TEKT1: variants seen among roughly 807,000 people sequenced by gnomAD.
The protein encoded by TEKT1 is tektin-1.
TEKT1 carries 32 observed loss-of-function variants against 34.8 expected under a neutral mutation model. The ratio of observed to expected loss-of-function variants is 0.92; its 90% confidence interval spans 0.69 to 1.23. TEKT1 has a LOEUF of 1.23. Ranked by LOEUF, TEKT1 falls within the 50% of genes most tolerant of loss-of-function variation. The pLI is 0.00. For synonymous variants in TEKT1, 207 were observed against 199.8 expected (o/e 1.04, Z -0.30); for missense variants, 492 against 518.5 (o/e 0.95, Z 0.50).
intron 6 of TEKT1, among the ~76,000 whole-genome samples, chr17:6,804,497 G>A (rs959410029): frequency 6.6e-5 from 10 of 152,134 alleles, no homozygotes; most frequent in Non-Finnish European, 1.0e-4. Flanking sequence ...CCAACATTAT[G>A]TTGAATAGGA....
At chr17:6,821,630 C>A (rs113086407) in intron 2 of TEKT1, among the ~76,000 whole-genome samples, 7,096 of 152,200 alleles carry the variant, frequency 0.047, 527 homozygotes, top group African/African-American at 0.16. Flanking sequence ...GCTGGGTTAA[C>A]AGGCAGAGGT....
At chr17:6,800,355 C>T (rs1976752749) in intron 7 of TEKT1, 121 bp from the exon 8 acceptor site, 2 of 753,030 alleles carry the variant, frequency 2.7e-6, no homozygotes, top group Middle Eastern at 3.6e-4. Flanking sequence ...TCCCCTTCCT[C>T]TCTCCTCATG....
Position 6,812,991 on chromosome 17 carries a change from TG to T in TEKT1, c.691del (p.Gln231SerfsTer6), listed in dbSNP as rs1224722988. Reference protein sequence around the residue: ...SSTNVEKADKQRNNSLMLKAL... With the variant: ...SSTNVEKADKXRNNSLMLKAL... Reference sequence around the variant, plus strand: ...TTTCAGCATCAGGGAGTTGTTCCGCTGCTTGTCAGCCTTCTCCACATTGGTG... The same window carrying T: ...TTTCAGCATCAGGGAGTTGTTCCGCTCTTGTCAGCCTTCTCCACATTGGTG... On this transcript the variant is annotated frameshift_variant, in exon 6 of 8. Coordinates refer to ENST00000338694, the MANE Select transcript of TEKT1 (RefSeq NM_053285.2). LOFTEE classifies it high-confidence loss of function. 6.2e-7 allele frequency: 1 copy of T among 1,614,260 alleles called. No individual in the cohort carries two copies. Among genetic ancestry groups the T allele is most frequent in the African/African-American group, 1.3e-5 (1 of 75,076 alleles).
At position 6,830,122 on chromosome 17, in the gene TEKT1, A is replaced by G. The variant is rs888972464; in HGVS notation, c.190+65T>C. 3.4e-6 allele frequency: 5 copies of G among 1,462,908 alleles called. No individual in the cohort carries two copies. The Admixed American group carries it at 9.2e-5, about 27-fold the overall frequency. 90.6% of individuals were successfully genotyped at this position (1,462,908 alleles called of 1,614,324 possible). On this transcript the variant is annotated intron_variant, in intron 2 of 7. Transcript: ENST00000338694. The stretch of plus-strand genomic sequence containing the variant: ...ATATGTTGCCACATCTGAACATGAC[A>G]CTATAGCTAAACTCAACAGCCTCAT...
At chr17:6,815,135 G>C (rs3809833) in intron 5 of TEKT1, 28 bp downstream of exon 5, 7 of 1,591,318 alleles carry the variant, frequency 4.4e-6, no homozygotes, top group African/African-American at 2.7e-5. Context: ...GGTCACCCGC[G>C]AGGAGGAAGA....
intron 6 of TEKT1, among the ~76,000 whole-genome samples, chr17:6,801,452 G>A (rs1976771119): frequency 6.6e-6 from 1 of 152,190 alleles, no homozygotes; most frequent in Non-Finnish European, 1.5e-5. Flanking sequence ...GCTCACAGCT[G>A]TAATCACAGC....
intron 2 of TEKT1, among the ~76,000 whole-genome samples, chr17:6,829,519 T>C (rs1247623839): frequency 6.6e-6 from 1 of 151,166 alleles, no homozygotes; most frequent in East Asian, 1.9e-4. Context: ...TTCTTTCTTT[T>C]TTTTTTTTTT....
chr17:6,829,768 G>GCT, intron 2 of TEKT1, among the ~76,000 whole-genome samples: 1 of 150,544 alleles, frequency 6.6e-6, no homozygotes, highest in African/African-American at 2.4e-5. Context: ...ATCTTTTATT[G>GCT]TTTTTTTTTC....
In TEKT1 at chr17:6,815,269, A is replaced by G. The variant is rs748829967; in HGVS notation, c.523T>C (p.Leu175=). The change falls in exon 5 of 8, where the codon TTG becomes CTG. Residue 175 remains leucine, a synonymous_variant. Coordinates refer to ENST00000338694, the MANE Select transcript of TEKT1 (RefSeq NM_053285.2). ...GTCAGGGCCACAAACTTGTCCTTCA[A>G]ATCCTTCTCAAGATTGTACTTGGCA... is the stretch of plus-strand genomic sequence containing the variant. The part of the protein sequence containing the change: ...RSAKYNLEKD[L]KDKFVALTID... 63 of 1,614,080 alleles carry G rather than the reference A, an allele frequency of 3.9e-5. No individual in the cohort carries two copies. Among genetic ancestry groups the G allele is most frequent in the Non-Finnish European group, 5.1e-5 (60 of 1,180,044 alleles).
chr17:6,828,186 C>A (rs1414357048), intron 2 of TEKT1, among the ~76,000 whole-genome samples: 1 of 152,150 alleles, frequency 6.6e-6, no homozygotes, highest in Non-Finnish European at 1.5e-5. Flanking sequence ...CCTTGTGATC[C>A]GCCCACGTTG....
At chr17:6,824,274 A>C (rs1904335650) in intron 2 of TEKT1, among the ~76,000 whole-genome samples, 1 of 151,792 alleles carries the variant, frequency 6.6e-6, no homozygotes, top group East Asian at 1.9e-4. Context: ...ATCTACCCTT[A>C]TGGCTCCCCT....
Position 6,800,885 on chromosome 17 carries a change from A to G in TEKT1, c.911T>C (p.Leu304Pro). The change falls in exon 7 of 8, where the codon CTT becomes CCT. Residue 304 changes from leucine to proline, a missense_variant. By Grantham distance (98) the Leu-to-Pro change is moderately conservative (BLOSUM62 -3). Transcript: ENST00000338694. ...CACCTTGGCTGGCCCTTCTTGGTCA[A>G]GGATGGCCTTTTCAAGAGCTGTAAT... The part of the protein sequence containing the change: ...KNITALEKAI[L>P]DQEGPAKVAH... 6 of 1,614,128 alleles carry G rather than the reference A, an allele frequency of 3.7e-6. No individual in the cohort carries two copies. The highest frequency in any genetic ancestry group is 5.1e-6 in the Non-Finnish European group (6 of 1,180,002).
At chr17:6,807,177 T>G (rs966561245) in intron 6 of TEKT1, among the ~76,000 whole-genome samples, 6 of 152,212 alleles carry the variant, frequency 3.9e-5, no homozygotes, top group Admixed American at 1.3e-4. Context: ...CTTTTCATTC[T>G]TTTTTCTCTA....
intron 3 of TEKT1, among the ~76,000 whole-genome samples, chr17:6,816,388 C>G (rs1977009109): frequency 6.6e-6 from 1 of 152,148 alleles, no homozygotes; most frequent in Admixed American, 6.5e-5. Context: ...CCCAGCCCCC[C>G]ACACCCTGAC....
At chr17:6,817,242 G>C (rs893810500) in intron 3 of TEKT1, among the ~76,000 whole-genome samples, 4 of 151,734 alleles carry the variant, frequency 2.6e-5, no homozygotes, top group South Asian at 2.1e-4. Context: ...AAGAGTGGTG[G>C]TGCATGCCTG....
chr17:6,807,654 T>A (rs998876661), intron 6 of TEKT1, among the ~76,000 whole-genome samples: 1 of 152,222 alleles, frequency 6.6e-6, no homozygotes, highest in African/African-American at 2.4e-5. Context: ...TTGGTGTGGA[T>A]GTCCTTTCTG....
rs139335978 is a variant in TEKT1, at chr17:6,825,538, A to G, written c.190+4649T>C. Among the ~76,000 whole-genome samples the G allele has an allele frequency of 3.9e-4, 60 of 152,332 alleles. No individual in the cohort carries two copies. The East Asian group carries it at 0.011, about 27-fold the overall frequency. On this transcript the variant is annotated intron_variant, in intron 2 of 7. Coordinates refer to ENST00000338694, the MANE Select transcript of TEKT1 (RefSeq NM_053285.2). ...TATAGAAGAGTACACATATCATAAA[A>G]TTCAATGTATTTTCATAGTGAACAC...
chr17:6,829,670 G>A (rs1056648596), intron 2 of TEKT1, among the ~76,000 whole-genome samples: 1 of 151,744 alleles, frequency 6.6e-6, no homozygotes, highest in African/African-American at 2.4e-5. Flanking sequence ...ATCATCTTCA[G>A]ATTACTTATA....
In TEKT1 at chr17:6,819,180, C is replaced by A. The variant is rs28433770; in HGVS notation, c.356+13G>T. The A allele has an allele frequency of 1.9e-6, 3 of 1,607,826 alleles. No individual in the cohort carries two copies. The highest frequency in any genetic ancestry group is 2.5e-6 in the Non-Finnish European group (3 of 1,177,770). On this transcript the variant is annotated intron_variant, in intron 3 of 7. Coordinates refer to ENST00000338694, the MANE Select transcript of TEKT1 (RefSeq NM_053285.2). ...CACAACACATGAATCATTTGAGGGA[C>A]CTTCGCTCCTACCTGTATGCCAGGC...
Sources: allele counts gnomAD v4.1 joint callset (sites outside exome capture counted in the v4.1 genomes callset), GRCh38; gene constraint gnomAD v4.1.1; transcripts MANE v1.5; gene names NCBI Gene and HGNC (gene_info 2026-07-23, HGNC 2026-07-21).